Variants in NRF1 observed in about 807,000 individuals in gnomAD.
NRF1 encodes the protein nuclear respiratory factor 1, also known as alpha palindromic-binding protein.
A neutral mutation model predicts 58.5 loss-of-function variants in NRF1; 5 were observed. The ratio of observed to expected loss-of-function variants is 0.09; its 90% CI spans 0.04 to 0.18. The LOEUF is 0.18. NRF1 is among the 10% of genes least tolerant of loss of function. The pLI, the probability that NRF1 is intolerant of heterozygous loss-of-function variation, is 1.00. For synonymous variants in NRF1, 224 were observed against 246.7 expected (o/e 0.91, Z 0.86); for missense variants, 288 against 657.7 (o/e 0.44, Z 6.15).
At chr7:129,669,202 C>T (rs908938808) in intron 2 of NRF1, among the ~76,000 whole-genome samples, 3 of 152,304 alleles carry the variant, frequency 2.0e-5, no homozygotes, top group Admixed American at 6.5e-5. Flanking sequence ...CCACCTCAGC[C>T]TCCCAAAGTG....
At chr7:129,690,383 C>G (rs750609111) in intron 4 of NRF1, 23 bp from the exon 5 acceptor site, 1 of 1,607,000 alleles carries the variant, frequency 6.2e-7, no homozygotes, top group South Asian at 1.1e-5. Context: ...ATCTTGTTTA[C>G]TTCTGCCCTT....
chr7:129,703,671 TC>T (rs1303742550), intron 5 of NRF1, among the ~76,000 whole-genome samples: 2 of 152,130 alleles, frequency 1.3e-5, no homozygotes, highest in African/African-American at 4.8e-5. Flanking sequence ...AAAAACAAAC[TC>T]TTATAGTAGA....
rs1325826348 is a variant in NRF1, at chr7:129,619,431, TATAC to T, written c.-7+7609_-7+7612del. On this transcript the variant is annotated intron_variant, in intron 1 of 10. Coordinates refer to ENST00000393232, the MANE Select transcript of NRF1 (RefSeq NM_005011.5). ...ATATATATATATATATATATATATA[TATAC>T]ACACACACACACATATATATACACG... 5.0e-3 allele frequency among the ~76,000 whole-genome samples: 361 copies of T among 71,492 alleles called. 4 individuals are homozygous for T. The highest frequency in any genetic ancestry group is 5.2e-3 in the Admixed American group (32 of 6,108). The allele number at this position is 71,492 out of a possible 152,430, so 46.9% of individuals were successfully genotyped here.
intron 1 of NRF1, among the ~76,000 whole-genome samples, chr7:129,642,756 A>ACT (rs1562957544): frequency 1.5e-5 from 2 of 131,674 alleles, no homozygotes; most frequent in African/African-American, 5.2e-5. Flanking sequence ...TTCTTTAAAA[A>ACT]ATTTTTTTTT....
chr7:129,699,281 T>C lies in NRF1; in HGVS notation c.606+8735T>C, dbSNP rs1014714028. Among the ~76,000 whole-genome samples the C allele has an allele frequency of 4.6e-5, 7 of 152,370 alleles. No homozygotes were observed. In the East Asian group the frequency reaches 1.3e-3, roughly 29 times the overall value. On this transcript the variant is annotated intron_variant, in intron 5 of 10. Transcript: ENST00000393232. ...TCAGTCAGTTATCTGCTTAGGTTTT[T>C]TGAGAGTTTTGTTCTGTTTTGAAAA...
At position 129,728,686 on chromosome 7, in the gene NRF1, G is replaced by C. The variant is rs543693879; in HGVS notation, c.1348+1321G>C. ...TGCTGTGTCCTCCTTTGGAATAGGAGGAAACAAAGTACCTCTGTCCCGCCA... is the reference window on the plus strand; with the variant it reads ...TGCTGTGTCCTCCTTTGGAATAGGACGAAACAAAGTACCTCTGTCCCGCCA... On this transcript the variant is annotated intron_variant, in intron 10 of 10. Coordinates refer to ENST00000393232, the MANE Select transcript of NRF1 (RefSeq NM_005011.5). 5.4e-4 allele frequency among the ~76,000 whole-genome samples: 82 copies of C among 152,290 alleles called. No homozygotes were observed. In the Middle Eastern group the frequency reaches 0.01, roughly 19 times the overall value.
At chr7:129,682,409 GAT>G (rs1307584352) in intron 4 of NRF1, among the ~76,000 whole-genome samples, 2 of 150,312 alleles carry the variant, frequency 1.3e-5, no homozygotes, top group Non-Finnish European at 3.0e-5. Context: ...AGTGAGCTGT[GAT>G]TGCACCACTG....
chr7:129,712,606 C>T (rs1042970140), intron 8 of NRF1, among the ~76,000 whole-genome samples: 4 of 152,166 alleles, frequency 2.6e-5, no homozygotes, highest in Non-Finnish European at 5.9e-5. Context: ...GGAGTTGATT[C>T]GCACAGGATC....
chr7:129,709,063 G>T lies in NRF1; in HGVS notation c.607-12G>T. The T allele has an allele frequency of 6.6e-7, 1 of 1,505,184 alleles. No homozygotes were observed. The highest frequency in any genetic ancestry group is 2.5e-5 in the East Asian group (1 of 40,466). 93.2% of individuals were successfully genotyped at this position (1,505,184 alleles called of 1,614,324 possible). On this transcript the variant is annotated splice_polypyrimidine_tract_variant and intron_variant, in intron 5 of 10. Coordinates refer to ENST00000393232, the MANE Select transcript of NRF1 (RefSeq NM_005011.5). ...TTTCATGAGTATTGATGACCACACT[G>T]TTCTCTTCCAGGCCCAGCTTCGGGC...
At chr7:129,745,180 G>A (rs926555113) in intron 10 of NRF1, among the ~76,000 whole-genome samples, 4 of 152,012 alleles carry the variant, frequency 2.6e-5, no homozygotes, top group African/African-American at 9.7e-5. Flanking sequence ...TTAAAATATT[G>A]GTGCACTCTG....
chr7:129,702,021 C>A (rs1282188745), intron 5 of NRF1, among the ~76,000 whole-genome samples: 1 of 152,110 alleles, frequency 6.6e-6, no homozygotes, highest in Non-Finnish European at 1.5e-5. Context: ...ATAAAACTGC[C>A]TTTCTAGCAT....
intron 2 of NRF1, among the ~76,000 whole-genome samples, chr7:129,662,642 C>G (rs1801811633): frequency 6.6e-6 from 1 of 151,992 alleles, no homozygotes; most frequent in South Asian, 2.1e-4. Flanking sequence ...AATTTGGGGT[C>G]TAGTATAATG....
chr7:129,677,256 C>T (rs1008267058), intron 3 of NRF1, among the ~76,000 whole-genome samples: 8 of 152,124 alleles, frequency 5.3e-5, no homozygotes, highest in Middle Eastern at 3.4e-3. Context: ...TCAAGTGATC[C>T]GCCTGCCTTG....
intron 1 of NRF1, among the ~76,000 whole-genome samples, chr7:129,646,674 A>G (rs929465533): frequency 3.9e-5 from 6 of 152,148 alleles, no homozygotes; most frequent in Non-Finnish European, 7.4e-5. Flanking sequence ...ATATTATAAC[A>G]ATGAAAACAG....
At chr7:129,693,499 A>C (rs1802615711) in intron 5 of NRF1, among the ~76,000 whole-genome samples, 1 of 152,124 alleles carries the variant, frequency 6.6e-6, no homozygotes, top group East Asian at 1.9e-4. Context: ...GTGGCCCAAC[A>C]CAAATTCGTA....
chr7:129,701,508 T>C (rs1371485116), intron 5 of NRF1, among the ~76,000 whole-genome samples: 1 of 148,786 alleles, frequency 6.7e-6, no homozygotes, highest in East Asian at 2.0e-4. Context: ...GGCAGGAGAA[T>C]CACTTGAACC....
chr7:129,682,468 A>C lies in NRF1; in HGVS notation c.465+4710A>C, dbSNP rs112431753. Among the ~76,000 whole-genome samples the C allele has an allele frequency of 2.3e-3, 346 of 151,994 alleles. 3 individuals are homozygous for C. In the South Asian group the frequency reaches 0.032, roughly 14 times the overall value. ...GCAAGACCCTGTCCCAAAGGAAAAA[A>C]AAAACAAAACAAAAAAACCCCGCAA... On this transcript the variant is annotated intron_variant, in intron 4 of 10. Coordinates refer to ENST00000393232, the MANE Select transcript of NRF1 (RefSeq NM_005011.5).
At chr7:129,653,386 C>G (rs780689837) in intron 1 of NRF1, among the ~76,000 whole-genome samples, 1 of 152,204 alleles carries the variant, frequency 6.6e-6, no homozygotes, top group African/African-American at 2.4e-5. Flanking sequence ...CAGCCTCCCC[C>G]ACTATCAACA....
intron 5 of NRF1, among the ~76,000 whole-genome samples, chr7:129,706,029 C>T (rs530803593): frequency 2.0e-5 from 3 of 152,150 alleles, no homozygotes; most frequent in South Asian, 2.1e-4. Flanking sequence ...GAATGAGTGG[C>T]GGCATTAGAA....
Sources: allele counts gnomAD v4.1 joint callset (sites outside exome capture counted in the v4.1 genomes callset), GRCh38; gene constraint gnomAD v4.1.1; transcripts MANE v1.5; gene names NCBI Gene and HGNC (gene_info 2026-07-23, HGNC 2026-07-21).